ZFPM2: variants seen among roughly 807,000 people sequenced by gnomAD.
ZFPM2 encodes zinc finger protein, FOG family member 2, also known as zinc finger protein ZFPM2.
In ZFPM2, 20 loss-of-function variants were observed where a neutral mutation model predicts 98.6. That is an observed-to-expected ratio of 0.20 (90% CI 0.14 to 0.29). The LOEUF (loss-of-function observed/expected upper bound fraction) is 0.29, where lower values mean the gene tolerates loss of function less well. Ranked by LOEUF, ZFPM2 falls within the 10% of genes least tolerant of loss-of-function variation. The probability of loss-of-function intolerance (pLI) is 1.00; values close to 1 mark genes in which losing one functional copy is unlikely to be tolerated. For synonymous variants in ZFPM2, 518 were observed against 502.7 expected (o/e 1.03, Z -0.41); for missense variants, 1,310 against 1,388.6 (o/e 0.94, Z 0.90).
rs533040759 is a variant in ZFPM2, at chr8:105,556,362, C to G, written c.302-5001C>G. On this transcript the variant is annotated intron_variant, in intron 3 of 7. Transcript: ENST00000407775. ...GTGATAATGGAAGTATATGGACATG[C>G]TCTTAGAATTCTTCAATTTCTTTTT... Among the ~76,000 whole-genome samples, 45 of 152,258 alleles carry G rather than the reference C, an allele frequency of 3.0e-4. 1 individual carries two copies. The highest frequency in any genetic ancestry group is 3.4e-3 in the Middle Eastern group (1 of 294).
chr8:105,432,689 C>A (rs1812044145), intron 2 of ZFPM2, among the ~76,000 whole-genome samples: 1 of 152,056 alleles, frequency 6.6e-6, no homozygotes, highest in Non-Finnish European at 1.5e-5. Flanking sequence ...TAGAATCTTC[C>A]TCTGATGGGA....
chr8:105,644,985 T>C (rs1461202497), intron 5 of ZFPM2, among the ~76,000 whole-genome samples: 2 of 152,228 alleles, frequency 1.3e-5, no homozygotes, highest in East Asian at 1.9e-4. Context: ...GTTATCTTTA[T>C]ATTTGATATT....
chr8:105,492,330 A>G (rs1161819812), intron 3 of ZFPM2, among the ~76,000 whole-genome samples: 2 of 152,190 alleles, frequency 1.3e-5, no homozygotes, highest in African/African-American at 4.8e-5. Context: ...AACTTTACAT[A>G]CTTTGACATT....
At chr8:105,608,364 G>A (rs928153393) in intron 4 of ZFPM2, among the ~76,000 whole-genome samples, 4 of 151,938 alleles carry the variant, frequency 2.6e-5, no homozygotes, top group Non-Finnish European at 5.9e-5. Context: ...AATTTTACTG[G>A]TTATTCTTGC....
intron 1 of ZFPM2, among the ~76,000 whole-genome samples, chr8:105,384,779 A>T (rs965033821): frequency 1.3e-5 from 2 of 152,152 alleles, no homozygotes; most frequent in African/African-American, 4.8e-5. Context: ...CAGCCACTAA[A>T]TATGCTCTCT....
At chr8:105,371,387 T>C (rs1478720841) in intron 1 of ZFPM2, among the ~76,000 whole-genome samples, 2 of 152,196 alleles carry the variant, frequency 1.3e-5, no homozygotes, top group Non-Finnish European at 2.9e-5. Flanking sequence ...TCCTGAGTTG[T>C]AATGTGGTCT....
At chr8:105,503,522 A>G (rs1268160511) in intron 3 of ZFPM2, among the ~76,000 whole-genome samples, 1 of 152,220 alleles carries the variant, frequency 6.6e-6, no homozygotes, top group African/African-American at 2.4e-5. Flanking sequence ...GAGACAGATA[A>G]AAGATAGGAA....
intron 5 of ZFPM2, among the ~76,000 whole-genome samples, chr8:105,673,514 T>C (rs1286407051): frequency 1.3e-5 from 2 of 152,116 alleles, no homozygotes; most frequent in African/African-American, 4.8e-5. Flanking sequence ...ACACATTATA[T>C]GCTTCTGTTA....
chr8:105,609,829 A>G (rs1335342369), intron 4 of ZFPM2, among the ~76,000 whole-genome samples: 6 of 152,180 alleles, frequency 3.9e-5, no homozygotes, highest in Non-Finnish European at 8.8e-5. Context: ...AAGAAAATAC[A>G]GTGGTACTTG....
intron 3 of ZFPM2, among the ~76,000 whole-genome samples, chr8:105,494,071 C>G (rs1029130308): frequency 1.3e-5 from 2 of 150,906 alleles, no homozygotes; most frequent in African/African-American, 4.9e-5. Context: ...TCAGGCTTGT[C>G]TTCTACTCAG....
intron 5 of ZFPM2, among the ~76,000 whole-genome samples, chr8:105,786,509 G>A (rs1391804597): frequency 6.6e-6 from 1 of 152,140 alleles, no homozygotes; most frequent in Non-Finnish European, 1.5e-5. Context: ...AAGTCCAACA[G>A]TACATTTTCA....
chr8:105,392,684 T>A (rs1286536327), intron 1 of ZFPM2, among the ~76,000 whole-genome samples: 1 of 152,212 alleles, frequency 6.6e-6, no homozygotes, highest in African/African-American at 2.4e-5. Context: ...TTGTCGAAAC[T>A]ACTTTACTAT....
intron 5 of ZFPM2, among the ~76,000 whole-genome samples, chr8:105,775,168 G>C (rs182743765): frequency 6.6e-6 from 1 of 152,058 alleles, no homozygotes; most frequent in East Asian, 1.9e-4. Context: ...TTGGTGCTTG[G>C]GGGGTTTTCA....
chr8:105,715,315 G>A (rs866784806), intron 5 of ZFPM2, among the ~76,000 whole-genome samples: 10 of 150,406 alleles, frequency 6.6e-5, no homozygotes, highest in South Asian at 4.2e-4. Flanking sequence ...CAGGAGGATC[G>A]CTTAAGCCCA....
At chr8:105,480,587 T>C (rs1185135618) in intron 3 of ZFPM2, among the ~76,000 whole-genome samples, 1 of 152,152 alleles carries the variant, frequency 6.6e-6, no homozygotes, top group Admixed American at 6.5e-5. Flanking sequence ...ATTGAACTTA[T>C]ACAAGGGTGG....
intron 5 of ZFPM2, among the ~76,000 whole-genome samples, chr8:105,751,449 A>G (rs1812474000): frequency 6.6e-6 from 1 of 152,066 alleles, no homozygotes; most frequent in South Asian, 2.1e-4. Context: ...GAAAACTAAA[A>G]TGACAGGTGT....
intron 4 of ZFPM2, among the ~76,000 whole-genome samples, chr8:105,622,214 A>T (rs1463394341): frequency 6.6e-6 from 1 of 152,152 alleles, no homozygotes; most frequent in African/African-American, 2.4e-5. Flanking sequence ...AATTTAACTC[A>T]CTGGTATTTC....
chr8:105,539,576 G>A (rs575542001), intron 3 of ZFPM2, among the ~76,000 whole-genome samples: 90 of 152,232 alleles, frequency 5.9e-4, no homozygotes, highest in Middle Eastern at 3.4e-3. Flanking sequence ...TTTATGTAGC[G>A]TCGTGACTAT....
At chr8:105,413,337 G>A (rs1473439656) in intron 1 of ZFPM2, among the ~76,000 whole-genome samples, 1 of 151,532 alleles carries the variant, frequency 6.6e-6, no homozygotes, top group Non-Finnish European at 1.5e-5. Context: ...CTAAAATAGA[G>A]TATACCTATG....
Sources: gnomAD v4.1 joint callset for allele counts (sites outside exome capture counted in the v4.1 genomes callset) on GRCh38, gnomAD v4.1.1 for gene constraint, MANE v1.5 for transcripts, NCBI Gene and HGNC (gene_info 2026-07-23, HGNC 2026-07-21) for gene names.